The following GALNT2 variants were observed in gnomAD, a reference collection of about 807,000 sequenced individuals.
The protein encoded by GALNT2 is polypeptide N-acetylgalactosaminyltransferase 2.
In GALNT2, 31 loss-of-function variants were observed where a neutral mutation model predicts 81.4. The observed-to-expected ratio is 0.38, with a 90% CI of 0.29 to 0.51. GALNT2 has a LOEUF of 0.51. GALNT2 is among the 20% of genes least tolerant of loss of function. The probability of loss-of-function intolerance (pLI) is 0.87; values close to 1 mark genes in which losing one functional copy is unlikely to be tolerated. For missense variants in GALNT2, 629 were observed against 765.7 expected (o/e 0.82, Z 2.11); for synonymous variants, 303 against 287.4 (o/e 1.05, Z -0.55).
intron 1 of GALNT2, among the ~76,000 whole-genome samples, chr1:230,079,064 C>G (rs993518787): frequency 2.6e-5 from 4 of 152,232 alleles, no homozygotes; most frequent in African/African-American, 9.6e-5. Context: ...TCATGCTAGG[C>G]AGCTTTGCTT....
intron 1 of GALNT2, among the ~76,000 whole-genome samples, chr1:230,096,118 G>A (rs928908045): frequency 1.3e-5 from 2 of 152,162 alleles, no homozygotes; most frequent in African/African-American, 4.8e-5. Flanking sequence ...TAACCCAGCC[G>A]GGCCAGGCTC....
At chr1:230,122,650 G>A (rs1028189560) in intron 1 of GALNT2, among the ~76,000 whole-genome samples, 4 of 151,628 alleles carry the variant, frequency 2.6e-5, no homozygotes, top group Admixed American at 6.5e-5. Flanking sequence ...ATACGTGTGT[G>A]TGTGTGTTCA....
At chr1:230,178,167 A>C (rs1265041550) in intron 1 of GALNT2, 51 bp from the exon 2 acceptor site, 2 of 1,411,630 alleles carry the variant, frequency 1.4e-6, no homozygotes, top group South Asian at 1.2e-5. Flanking sequence ...CTGATGAATG[A>C]AGGTGTGCTT....
chr1:230,092,860 G>A (rs931881001), intron 1 of GALNT2, among the ~76,000 whole-genome samples: 1 of 152,128 alleles, frequency 6.6e-6, no homozygotes, highest in Non-Finnish European at 1.5e-5. Flanking sequence ...GGGGATGAGG[G>A]ATAAAAAGGT....
intron 11 of GALNT2, chr1:230,258,862 A>C (rs533545663): frequency 6.6e-6 from 1 of 152,340 alleles, no homozygotes; most frequent in South Asian, 2.1e-4. Flanking sequence ...ACCTACCAGC[A>C]AACAGTGAGA....
At chr1:230,132,800 G>A (rs763216708) in intron 1 of GALNT2, among the ~76,000 whole-genome samples, 3 of 152,300 alleles carry the variant, frequency 2.0e-5, no homozygotes, top group South Asian at 4.1e-4. Flanking sequence ...AAGAATATCC[G>A]AGTGTCTATT....
In GALNT2 at chr1:230,279,411, C is replaced by G. The variant is rs1440269810; in HGVS notation, c.1669C>G (p.Pro557Ala). The change falls in exon 16 of 16, where the codon CCG (proline) becomes GCG (alanine). Residue 557 changes from proline to alanine, a missense_variant. Transcript: ENST00000366672. This position sits in a 1 kb window ranked among gnomAD's most constrained non-coding sequence, Gnocchi z 4.6. The part of the protein sequence containing the change: ...SGGLSVEVCG[P>A]ALSQQWKFTL... The stretch of plus-strand genomic sequence containing the variant: ...GGGCCTAAGCGTGGAGGTGTGTGGC[C>G]CGGCCCTTTCGCAGCAGTGGAAGTT... 1 of 1,613,992 alleles carries G rather than the reference C, an allele frequency of 6.2e-7. No individual in the cohort carries two copies.
chr1:230,217,730 A>G (rs1558145358), intron 3 of GALNT2, among the ~76,000 whole-genome samples: 1 of 152,236 alleles, frequency 6.6e-6, no homozygotes, highest in Non-Finnish European at 1.5e-5. Context: ...TGGATCTTCC[A>G]GAGGGGACAA....
chr1:230,207,248 G>A (rs1664091162), intron 3 of GALNT2, among the ~76,000 whole-genome samples: 1 of 151,924 alleles, frequency 6.6e-6, no homozygotes, highest in South Asian at 2.1e-4. Flanking sequence ...AAGGAAAGGG[G>A]GATATTTAAG....
At chr1:230,245,794 G>A (rs1265208553) in intron 7 of GALNT2, among the ~76,000 whole-genome samples, 3 of 152,252 alleles carry the variant, frequency 2.0e-5, no homozygotes, top group East Asian at 3.9e-4. Flanking sequence ...ATAACCATGG[G>A]TGTCTCCACT....
chr1:230,067,200 C>G (rs991125873), upstream of GALNT2: 75 of 894,454 alleles, frequency 8.4e-5, no homozygotes, highest in Non-Finnish European at 9.4e-5. Context: ...TCCGCTCCTC[C>G]CCCGGCCCCC....
chr1:230,161,306 C>G (rs946553073), intron 1 of GALNT2, among the ~76,000 whole-genome samples: 8 of 152,200 alleles, frequency 5.3e-5, no homozygotes, highest in Non-Finnish European at 1.2e-4. Flanking sequence ...CATAGACCAG[C>G]TTCCTTACAC....
intron 14 of GALNT2, among the ~76,000 whole-genome samples, chr1:230,269,922 C>T (rs1666126316): frequency 6.6e-6 from 1 of 151,964 alleles, no homozygotes; most frequent in Non-Finnish European, 1.5e-5. Context: ...TAAATTAGGG[C>T]CGGGCACGGT....
intron 3 of GALNT2, among the ~76,000 whole-genome samples, chr1:230,216,110 T>C (rs1664383746): frequency 6.6e-6 from 1 of 152,218 alleles, no homozygotes; most frequent in Non-Finnish European, 1.5e-5. Flanking sequence ...CAACAGAGTT[T>C]TGCTTGATAA....
chr1:230,135,285 A>G (rs963703543), intron 1 of GALNT2, among the ~76,000 whole-genome samples: 1 of 152,118 alleles, frequency 6.6e-6, no homozygotes, highest in Non-Finnish European at 1.5e-5. Flanking sequence ...ATGGATACCC[A>G]TATTTTATTC....
At position 230,255,242 on chromosome 1, in the gene GALNT2, G is replaced by A; in HGVS notation, c.1034G>A (p.Cys345Tyr). The A allele has an allele frequency of 6.2e-7, 1 of 1,614,218 alleles. No individual in the cohort carries two copies. The highest frequency in any genetic ancestry group is 8.5e-7 in the Non-Finnish European group (1 of 1,180,026). Reference sequence around the variant, plus strand: ...GAGATCTCGTTCCGCGTGTGGCAGTGTGGTGGCAGCCTGGAGATCATCCCG... The same window carrying A: ...GAGATCTCGTTCCGCGTGTGGCAGTATGGTGGCAGCCTGGAGATCATCCCG... ...NLEISFRVWQ[C>Y]GGSLEIIPCS... The change falls in exon 11 of 16, where the codon TGT becomes TAT. Residue 345 changes from cysteine to tyrosine, a missense_variant. This residue lies in a region of GALNT2 where 360 missense variants were observed against 492.8 expected (regional missense o/e 0.73). Transcript: ENST00000366672.
chr1:230,207,778 A>G (rs965729300), intron 3 of GALNT2, among the ~76,000 whole-genome samples: 2 of 152,082 alleles, frequency 1.3e-5, no homozygotes, highest in Non-Finnish European at 2.9e-5. Flanking sequence ...ATGGGGTCTT[A>G]CTGTGTTGCC....
At chr1:230,265,973 C>T (rs1384793078) in intron 14 of GALNT2, among the ~76,000 whole-genome samples, 1 of 152,188 alleles carries the variant, frequency 6.6e-6, no homozygotes, top group African/African-American at 2.4e-5. Flanking sequence ...GGGTGGATCA[C>T]CTAAGGTCAG....
chr1:230,104,191 G>A (rs1246201731), intron 1 of GALNT2, among the ~76,000 whole-genome samples: 1 of 152,154 alleles, frequency 6.6e-6, no homozygotes, highest in East Asian at 1.9e-4. Flanking sequence ...GGGTGGTGGG[G>A]GGCCGAGGGA....
Sources: gnomAD v4.1 joint callset for allele counts (sites outside exome capture counted in the v4.1 genomes callset) on GRCh38, gnomAD v4.1.1 for gene constraint, gnomAD v4.1.1 regional missense constraint, Gnocchi (gnomAD v3.1) non-coding constraint, MANE v1.5 for transcripts, NCBI Gene and HGNC (gene_info 2026-07-23, HGNC 2026-07-21) for gene names.